The following MGST1 variants were observed in gnomAD, a reference collection of about 807,000 sequenced individuals.
MGST1 encodes microsomal glutathione S-transferase 1.
A neutral mutation model predicts 8.9 loss-of-function variants in MGST1; 5 were observed. That is an observed-to-expected ratio of 0.56 (90% CI 0.29 to 1.19). MGST1 has a LOEUF of 1.19. Ranked by LOEUF, MGST1 falls within the 50% of genes most tolerant of loss-of-function variation. The probability of loss-of-function intolerance (pLI) is 0.08; values close to 1 mark genes in which losing one functional copy is unlikely to be tolerated. For synonymous variants in MGST1, 54 were observed against 67.8 expected, an observed-to-expected ratio of 0.80 and a Z score of 1.00; for missense variants, 182 against 187.4, an observed-to-expected ratio of 0.97 and a Z score of 0.17.
At chr12:16,531,910 A>G (rs1031489989) in intron 4 of MGST1, among the ~76,000 whole-genome samples, 2 of 152,146 alleles carry the variant, frequency 1.3e-5, no homozygotes, top group African/African-American at 2.4e-5. Context: ...CCCTTTGTCA[A>G]TATTGAAGTA....
Position 16,401,338 on chromosome 12 carries a change from A to C in MGST1, n.778+17734A>C. On this transcript the variant is annotated intron_variant and non_coding_transcript_variant, in intron 1 of 1. Coordinates refer to the MGST1 transcript ENST00000359720. This position sits in a 1 kb window ranked among gnomAD's most constrained non-coding sequence, Gnocchi z 4.3. ...TTTGTATTGATTTTTACTATTGATT[A>C]CTAGGAAGCTTTCATGGAATTCAAT... 7.5e-7 allele frequency: 1 copy of C among 1,335,400 alleles called. No individual in the cohort carries two copies. Among genetic ancestry groups the C allele is most frequent in the Admixed American group, 1.7e-5 (1 of 59,494 alleles). 82.7% of individuals were successfully genotyped at this position (1,335,400 alleles called of 1,614,324 possible).
chr12:16,457,454 A>T (rs1033210050), intron 4 of MGST1, among the ~76,000 whole-genome samples: 3 of 151,976 alleles, frequency 2.0e-5, no homozygotes, highest in Non-Finnish European at 1.5e-5. Context: ...GGAATGATGA[A>T]TGGTAAAGAT....
intron 4 of MGST1, among the ~76,000 whole-genome samples, chr12:16,558,695 T>C (rs1330460403): frequency 2.0e-5 from 3 of 152,140 alleles, no homozygotes; most frequent in Admixed American, 1.3e-4. Flanking sequence ...GGGTAACTAT[T>C]ACATTATAAG....
chr12:16,374,055 A>C (rs745716908), intron 3 of MGST1, among the ~76,000 whole-genome samples: 21 of 152,050 alleles, frequency 1.4e-4, no homozygotes, highest in Non-Finnish European at 2.5e-4. Context: ...TTTTGTTTGG[A>C]GTAGATATGC....
chr12:16,487,016 A>G (rs1941403236), intron 4 of MGST1, among the ~76,000 whole-genome samples: 2 of 152,270 alleles, frequency 1.3e-5, no homozygotes, highest in South Asian at 4.1e-4. Context: ...CATCCAGGTT[A>G]AAAAACCTGC....
chr12:16,458,263 A>G lies in MGST1; in HGVS notation n.482+74659A>G, dbSNP rs34400. 0.068 allele frequency among the ~76,000 whole-genome samples: 10,391 copies of G among 152,080 alleles called. 1,186 individuals are homozygous for G. Among genetic ancestry groups the G allele is most frequent in the African/African-American group, 0.24 (9,792 of 41,480 alleles). On this transcript the variant is annotated intron_variant and non_coding_transcript_variant, in intron 4 of 4. Coordinates refer to the MGST1 transcript ENST00000538857. This position sits in a 1 kb window ranked among gnomAD's most constrained non-coding sequence, Gnocchi z 4.0. ...GACCCAAACTAAATGACCACTCATTACAAGTTTCAATTTAGGAGCTTGGCT... is the reference window on the plus strand; with the variant it reads ...GACCCAAACTAAATGACCACTCATTGCAAGTTTCAATTTAGGAGCTTGGCT...
intron 1 of MGST1, among the ~76,000 whole-genome samples, chr12:16,428,265 T>C (rs532857362): frequency 1.3e-5 from 2 of 151,930 alleles, no homozygotes; most frequent in Non-Finnish European, 2.9e-5. Flanking sequence ...CTTATTTTCA[T>C]TGATGTTAAT....
At position 16,584,270 on chromosome 12, in the gene MGST1, G is replaced by T. The variant is rs1591811132; in HGVS notation, n.483-5258G>T. ...CTAAGATTGCCAGTTTCTCCTCTTG[G>T]CTTCATGGAATGTGGGATTTACATG... On this transcript the variant is annotated intron_variant and non_coding_transcript_variant, in intron 4 of 4. Transcript: ENST00000538857. The surrounding 1 kb of genome is among the most constrained non-coding windows in gnomAD (Gnocchi z 5.2). 6.6e-6 allele frequency among the ~76,000 whole-genome samples: 1 copy of T among 152,160 alleles called. No individual in the cohort carries two copies. The highest frequency in any genetic ancestry group is 6.6e-5 in the Admixed American group (1 of 15,262).
chr12:16,478,079 G>T (rs1941335417), intron 4 of MGST1, among the ~76,000 whole-genome samples: 1 of 152,140 alleles, frequency 6.6e-6, no homozygotes, highest in Non-Finnish European at 1.5e-5. Flanking sequence ...GGCCAGGCTG[G>T]ACTGCAGTGG....
At chr12:16,479,657 C>T (rs12821853) in intron 4 of MGST1, among the ~76,000 whole-genome samples, 1 of 151,746 alleles carries the variant, frequency 6.6e-6, no homozygotes, top group Non-Finnish European at 1.5e-5. Flanking sequence ...CCTCAGCCTC[C>T]TGAGGGGCTG....
chr12:16,401,409 T>C lies in MGST1; in HGVS notation n.778+17805T>C. ...TTCTGGTAATTTTGTTCAGGAGTTC[T>C]GGCTTCTGCTTTTTAGCCACGTCCA... On this transcript the variant is annotated intron_variant and non_coding_transcript_variant, in intron 1 of 1. Transcript: ENST00000359720. This position sits in a 1 kb window ranked among gnomAD's most constrained non-coding sequence, Gnocchi z 4.3. 1.0e-6 allele frequency: 1 copy of C among 983,412 alleles called. No homozygotes were observed. Among genetic ancestry groups the C allele is most frequent in the Non-Finnish European group, 1.6e-6 (1 of 609,846 alleles). 60.9% of individuals were successfully genotyped at this position (983,412 alleles called of 1,614,324 possible).
At chr12:16,422,077 A>ACTC (rs1940842105) in intron 1 of MGST1, among the ~76,000 whole-genome samples, 1 of 152,044 alleles carries the variant, frequency 6.6e-6, no homozygotes, top group Non-Finnish European at 1.5e-5. Context: ...CATCATAGAT[A>ACTC]CTCCATTCTT....
chr12:16,415,202 C>T (rs982773159), intron 1 of MGST1, among the ~76,000 whole-genome samples: 1 of 152,172 alleles, frequency 6.6e-6, no homozygotes, highest in Admixed American at 6.5e-5. Context: ...CATTTCTTGA[C>T]ATTTTTCTAG....
At chr12:16,469,937 T>C (rs1368404402) in intron 4 of MGST1, among the ~76,000 whole-genome samples, 1 of 152,208 alleles carries the variant, frequency 6.6e-6, no homozygotes, top group Non-Finnish European at 1.5e-5. Flanking sequence ...TTGTTTCATA[T>C]TTCTGTTTGC....
rs1340825532 is a variant in MGST1 at position 16,585,722 on chromosome 12, T to C, written n.483-3806T>C. ...ATGTAAGCAGCTCCAAATATAATAA[T>C]AGAAAGGAAAATATGGGTGAGAAAT... On this transcript the variant is annotated intron_variant and non_coding_transcript_variant, in intron 4 of 4. Transcript: ENST00000538857. The surrounding 1 kb of genome is among the most constrained non-coding windows in gnomAD (Gnocchi z 4.7). Among the ~76,000 whole-genome samples, 6 of 151,998 alleles carry C rather than the reference T, an allele frequency of 3.9e-5. No homozygotes were observed. The highest frequency in any genetic ancestry group is 8.8e-5 in the Non-Finnish European group (6 of 67,980).
intron 4 of MGST1, among the ~76,000 whole-genome samples, chr12:16,472,436 T>G (rs529957804): frequency 1.1e-4 from 16 of 151,256 alleles, no homozygotes; most frequent in Non-Finnish European, 1.5e-4. Context: ...TCCTTCTGTT[T>G]TTTTTTTTTT....
intron 4 of MGST1, among the ~76,000 whole-genome samples, chr12:16,565,745 G>A (rs1192849827): frequency 2.6e-5 from 4 of 151,594 alleles, no homozygotes; most frequent in Non-Finnish European, 5.9e-5. Flanking sequence ...CTGTTGGTGA[G>A]ATTGCAAATG....
intron 4 of MGST1, among the ~76,000 whole-genome samples, chr12:16,535,162 C>G (rs932617869): frequency 4.6e-5 from 7 of 152,208 alleles, no homozygotes; most frequent in Non-Finnish European, 1.5e-5. Flanking sequence ...CCTTAATTAA[C>G]TCCTCCTCTT....
intron 4 of MGST1, among the ~76,000 whole-genome samples, chr12:16,444,712 T>A (rs1941066008): frequency 6.6e-6 from 1 of 151,904 alleles, no homozygotes; most frequent in Non-Finnish European, 1.5e-5. Flanking sequence ...TGACACTTGG[T>A]TCTGGACAAC....
Sources: gnomAD v4.1 joint callset for allele counts (sites outside exome capture counted in the v4.1 genomes callset) on GRCh38, gnomAD v4.1.1 for gene constraint, Gnocchi (gnomAD v3.1) non-coding constraint, MANE v1.5 for transcripts, NCBI Gene and HGNC (gene_info 2026-07-23, HGNC 2026-07-21) for gene names.